The following DENND2A variants were observed in gnomAD, a reference collection of about 807,000 sequenced individuals.
DENND2A encodes DENN domain containing 2A.
Under a neutral mutation model 105.3 loss-of-function variants are expected in DENND2A, and 53 were observed. The observed-to-expected ratio is 0.50, with a 90% CI of 0.40 to 0.63. The LOEUF (loss-of-function observed/expected upper bound fraction) is 0.63. DENND2A is among the 30% of genes least tolerant of loss of function. The pLI is 0.00. For synonymous variants in DENND2A, 522 were observed against 508.4 expected (o/e 1.03, Z -0.36); for missense variants, 1,138 against 1,279.6 (o/e 0.89, Z 1.69).
At chr7:140,632,229 G>C (rs1222284416) in intron 1 of DENND2A, among the ~76,000 whole-genome samples, 1 of 152,144 alleles carries the variant, frequency 6.6e-6, no homozygotes, top group Non-Finnish European at 1.5e-5. Flanking sequence ...TTTTTCCATG[G>C]TGAGCTGGGA....
chr7:140,578,102 G>A (rs1480406248), intron 5 of DENND2A, among the ~76,000 whole-genome samples: 2 of 152,096 alleles, frequency 1.3e-5, no homozygotes, highest in Non-Finnish European at 2.9e-5. Flanking sequence ...ACTCATGATG[G>A]CACAGCAAAA....
chr7:140,604,664 G>T (rs1158699370), intron 2 of DENND2A, among the ~76,000 whole-genome samples: 2 of 152,312 alleles, frequency 1.3e-5, no homozygotes, highest in South Asian at 2.1e-4. Flanking sequence ...ATGACTGATG[G>T]TCTACAACGT....
intron 12 of DENND2A, among the ~76,000 whole-genome samples, chr7:140,553,680 T>C (rs1393813834): frequency 2.6e-5 from 4 of 152,184 alleles, no homozygotes; most frequent in Non-Finnish European, 2.9e-5. Flanking sequence ...GTACTTGAGA[T>C]TAGGGATTGG....
chr7:140,528,536 G>A (rs1796142092), intron 14 of DENND2A, among the ~76,000 whole-genome samples: 1 of 152,050 alleles, frequency 6.6e-6, no homozygotes, highest in Non-Finnish European at 1.5e-5. Flanking sequence ...TTGGGAGGCC[G>A]AGGTGAGTGG....
chr7:140,572,004 G>C (rs184656069), intron 6 of DENND2A, among the ~76,000 whole-genome samples: 2 of 144,866 alleles, frequency 1.4e-5, no homozygotes, highest in Admixed American at 1.4e-4. Flanking sequence ...CTCTCTCTCT[G>C]TCTCTCTTTT....
intron 3 of DENND2A, among the ~76,000 whole-genome samples, chr7:140,591,696 T>A (rs540329407): frequency 1.7e-5 from 2 of 118,850 alleles, no homozygotes; most frequent in South Asian, 5.1e-4. Context: ...TTTCTTTCCT[T>A]CCTTCCTTCC....
At chr7:140,585,081 C>T (rs374526731) in intron 5 of DENND2A, among the ~76,000 whole-genome samples, 26 of 152,192 alleles carry the variant, frequency 1.7e-4, no homozygotes, top group Middle Eastern at 6.8e-3. Context: ...GCCTGTAATC[C>T]CAGGTACTTA....
At chr7:140,601,364 T>A in intron 3 of DENND2A, 39 bp downstream of exon 3, 1 of 1,494,438 alleles carries the variant, frequency 6.7e-7, no homozygotes, top group Non-Finnish European at 8.9e-7. Context: ...ACTGAGAGAG[T>A]CAGGTGGCGA....
intron 5 of DENND2A, among the ~76,000 whole-genome samples, 175 bp from the exon 6 acceptor site, chr7:140,574,183 T>C (rs1798208619): frequency 6.6e-6 from 1 of 152,160 alleles, no homozygotes; most frequent in African/African-American, 2.4e-5. Flanking sequence ...TATCATCCAA[T>C]TACCAAAACT....
At chr7:140,632,861 G>C (rs1403016171) in intron 1 of DENND2A, among the ~76,000 whole-genome samples, 1 of 140,236 alleles carries the variant, frequency 7.1e-6, no homozygotes, top group South Asian at 2.2e-4. Context: ...CACCATGCCT[G>C]GCCTTTTTTT....
chr7:140,535,675 A>G (rs1796430645), intron 14 of DENND2A, among the ~76,000 whole-genome samples: 1 of 151,804 alleles, frequency 6.6e-6, no homozygotes, highest in South Asian at 2.1e-4. Context: ...TCTGCCTCAC[A>G]GGTTCAAGCG....
intron 14 of DENND2A, chr7:140,543,598 TA>T (rs1796766056): frequency 6.6e-6 from 1 of 152,188 alleles, no homozygotes; most frequent in South Asian, 2.1e-4. Context: ...TATTTTATTT[TA>T]TTTTTTATTT....
chr7:140,623,293 C>A (rs1214990990), intron 1 of DENND2A, among the ~76,000 whole-genome samples: 2 of 140,084 alleles, frequency 1.4e-5, no homozygotes, highest in African/African-American at 2.7e-5. Context: ...CCAGCCTGGG[C>A]GACACAGCGA....
At chr7:140,555,529 G>T in intron 12 of DENND2A, 107 bp downstream of exon 12, 2 of 902,910 alleles carry the variant, frequency 2.2e-6, no homozygotes, top group Non-Finnish European at 3.5e-6. Context: ...AGGGAAGTAG[G>T]TAGAGAATAA....
chr7:140,603,710 AG>A (rs1192029786), intron 2 of DENND2A, among the ~76,000 whole-genome samples: 2 of 152,232 alleles, frequency 1.3e-5, no homozygotes, highest in Non-Finnish European at 2.9e-5. Context: ...CACTTGGCTT[AG>A]AAATGCACTA....
At chr7:140,540,360 C>T (rs1796616100) in intron 14 of DENND2A, among the ~76,000 whole-genome samples, 1 of 152,258 alleles carries the variant, frequency 6.6e-6, no homozygotes, top group Admixed American at 6.5e-5. Flanking sequence ...GACCCACTCA[C>T]GGCATGAGCC....
intron 9 of DENND2A, among the ~76,000 whole-genome samples, chr7:140,563,918 G>T (rs928329024): frequency 6.6e-6 from 1 of 152,234 alleles, no homozygotes; most frequent in East Asian, 1.9e-4. Flanking sequence ...GGTTGAGGCT[G>T]CAGTGAGCTG....
intron 5 of DENND2A, among the ~76,000 whole-genome samples, chr7:140,581,923 C>T (rs1798562320): frequency 6.6e-6 from 1 of 151,320 alleles, no homozygotes; most frequent in African/African-American, 2.4e-5. Context: ...TTCCTGGTAT[C>T]AGGGAGGAGC....
intron 12 of DENND2A, among the ~76,000 whole-genome samples, chr7:140,553,475 C>T (rs10952734): frequency 0.29 from 43,782 of 152,006 alleles, 6,431 homozygotes; most frequent in Middle Eastern, 0.34. Context: ...GTCTCAACTG[C>T]AAAGAGGCAT....
Sources: gnomAD v4.1 joint callset for allele counts (sites outside exome capture counted in the v4.1 genomes callset) on GRCh38, gnomAD v4.1.1 for gene constraint, MANE v1.5 for transcripts, NCBI Gene and HGNC (gene_info 2026-07-23, HGNC 2026-07-21) for gene names.